NDUFA10: variants seen among roughly 807,000 people sequenced by gnomAD.
NDUFA10 encodes NADH dehydrogenase [ubiquinone] 1 alpha subcomplex subunit 10, mitochondrial.
In NDUFA10, 40 loss-of-function variants were observed where a neutral mutation model predicts 47.8. The ratio of observed to expected loss-of-function variants is 0.84; its 90% confidence interval spans 0.65 to 1.09. NDUFA10 has a LOEUF of 1.09. NDUFA10 is among the 50% of genes least tolerant of loss of function. The probability of loss-of-function intolerance (pLI) is 0.00; values close to 1 mark genes in which losing one functional copy is unlikely to be tolerated. For missense variants in NDUFA10, 413 were observed against 451.1 expected, an observed-to-expected ratio of 0.92 and a Z score of 0.76; for synonymous variants, 183 against 172.2, an observed-to-expected ratio of 1.06 and a Z score of -0.49.
chr2:239,930,278 C>A (rs1479361913), intron 4 of NDUFA10, among the ~76,000 whole-genome samples: 2 of 151,338 alleles, frequency 1.3e-5, no homozygotes, highest in Non-Finnish European at 2.9e-5. Context: ...TTCTCCACCA[C>A]CCCTGCTCCT....
intron 9 of NDUFA10, among the ~76,000 whole-genome samples, chr2:239,968,381 C>T (rs917983462): frequency 6.6e-6 from 1 of 152,204 alleles, no homozygotes; most frequent in Non-Finnish European, 1.5e-5. Flanking sequence ...TGGAAAAATG[C>T]CCCCTCCCGA....
In NDUFA10 at chr2:240,019,692, G is replaced by A. The variant is rs1353453785; in HGVS notation, c.461-1053C>T. On this transcript the variant is annotated intron_variant, in intron 3 of 9. Coordinates refer to ENST00000252711, the MANE Select transcript of NDUFA10 (RefSeq NM_004544.4). ...AAATTAGCCGGGCGTAGTGGCGGGCGCCTGTAGTCCCAGCTACTTGGGAGG... is the reference window on the plus strand; with the variant it reads ...AAATTAGCCGGGCGTAGTGGCGGGCACCTGTAGTCCCAGCTACTTGGGAGG... Among the ~76,000 whole-genome samples the A allele has an allele frequency of 1.8e-3, 148 of 82,682 alleles. 38 individuals are homozygous for A. The highest frequency in any genetic ancestry group is 7.0e-3 in the African/African-American group (148 of 21,270). The allele number at this position is 82,682 out of a possible 152,430, so 54.2% of individuals were successfully genotyped here.
At position 239,906,283 on chromosome 2, in the gene NDUFA10, G is replaced by A. The variant is rs946957676; in HGVS notation, c.295-10969C>T. Among the ~76,000 whole-genome samples, 12 of 152,156 alleles carry A rather than the reference G, an allele frequency of 7.9e-5. No homozygotes were observed. The highest frequency in any genetic ancestry group is 1.8e-4 in the Non-Finnish European group (12 of 68,026). On this transcript the variant is annotated intron_variant, in intron 4 of 5. Coordinates refer to the NDUFA10 transcript ENST00000419408. This position sits in a 1 kb window ranked among gnomAD's most constrained non-coding sequence, Gnocchi z 4.3. ...TAATCATCTACTGTTCAAGCTCTTA[G>A]CAAAACTGCGGCTTCAGTTGTGCCT...
chr2:239,968,871 G>A (rs558511878), intron 9 of NDUFA10, among the ~76,000 whole-genome samples: 60 of 152,200 alleles, frequency 3.9e-4, no homozygotes, highest in East Asian at 3.9e-4. Context: ...CTCGCTGCAC[G>A]CATGCAGCAT....
At chr2:239,981,987 T>TGGCCTCCAC in intron 9 of NDUFA10, 1 of 1,248,114 alleles carries the variant, frequency 8.0e-7, no homozygotes, top group Non-Finnish European at 1.1e-6. Flanking sequence ...AAGGCATCCA[T>TGGCCTCCAC]GGCCTCCACT....
intron 9 of NDUFA10, among the ~76,000 whole-genome samples, chr2:239,971,963 G>A (rs962858012): frequency 2.6e-5 from 4 of 152,242 alleles, no homozygotes; most frequent in Non-Finnish European, 5.9e-5. Flanking sequence ...TTGGGTGTCT[G>A]TTAGGTTATG....
At chr2:239,900,956 C>G (rs1462087057) in intron 4 of NDUFA10, among the ~76,000 whole-genome samples, 1 of 152,214 alleles carries the variant, frequency 6.6e-6, no homozygotes, top group Non-Finnish European at 1.5e-5. Context: ...GAAGATCTAG[C>G]TGAGATCATG....
In NDUFA10 at chr2:239,960,199, C is replaced by T. The variant is rs1375935265; in HGVS notation, c.*919G>A. ...TCCTAATGGACACAGTGGAGCTTTA[C>T]AGTGGAAAACCCACAGTTCAGTAGG... On this transcript the variant is annotated 3_prime_UTR_variant, in exon 10 of 10. Coordinates refer to ENST00000252711, the MANE Select transcript of NDUFA10 (RefSeq NM_004544.4). 1.0e-6 allele frequency: 1 copy of T among 982,938 alleles called. No homozygotes were observed. The highest frequency in any genetic ancestry group is 1.2e-6 in the Non-Finnish European group (1 of 829,844). The allele number at this position is 982,938 out of a possible 1,614,324, so 60.9% of individuals were successfully genotyped here. A position where few individuals can be genotyped will look rare whatever the true frequency, so the allele number is the denominator to read the frequency against.
chr2:239,942,354 C>T (rs1385120068), intron 4 of NDUFA10, among the ~76,000 whole-genome samples: 2 of 152,246 alleles, frequency 1.3e-5, no homozygotes. Context: ...CCTGCATTTC[C>T]GACAAGCTCC....
At chr2:239,983,496 A>C (rs369854620) in intron 9 of NDUFA10, 1 of 1,583,550 alleles carries the variant, frequency 6.3e-7, no homozygotes. Flanking sequence ...AAAATCCTCT[A>C]AACAGTCAGA....
chr2:239,953,669 T>C (rs979501719), downstream of NDUFA10, among the ~76,000 whole-genome samples: 5 of 151,776 alleles, frequency 3.3e-5, no homozygotes, highest in Admixed American at 6.6e-5. Context: ...TCCTGTGCCC[T>C]CTTAGGTGGG....
rs1021746730 is a variant in NDUFA10 at position 239,911,771 on chromosome 2, G to C, written c.295-16457C>G. On this transcript the variant is annotated intron_variant, in intron 4 of 5. Coordinates refer to the NDUFA10 transcript ENST00000419408. Reference sequence around the variant, plus strand: ...CAGCCCATCCCCCAGTCTCTCTCTTGTGCACACACACACCACACACCACCC... The same window carrying C: ...CAGCCCATCCCCCAGTCTCTCTCTTCTGCACACACACACCACACACCACCC... Among the ~76,000 whole-genome samples the C allele has an allele frequency of 7.4e-5, 11 of 148,722 alleles. No homozygotes were observed. In the East Asian group the frequency reaches 2.2e-3, roughly 29 times the overall value.
intron 9 of NDUFA10, among the ~76,000 whole-genome samples, chr2:239,967,535 A>G (rs1695127818): frequency 6.6e-6 from 1 of 152,238 alleles, no homozygotes; most frequent in African/African-American, 2.4e-5. Context: ...AAGTACAGGA[A>G]GGTAACAACA....
At chr2:239,930,866 AGGGGGGGCAGG>A (rs1694160320) in intron 4 of NDUFA10, among the ~76,000 whole-genome samples, 2 of 65,814 alleles carry the variant, frequency 3.0e-5, no homozygotes, top group Admixed American at 1.5e-4. Context: ...CATGCCCAGG[AGGGGGGGCAGG>A]GTCCAGGAGG....
At chr2:240,014,505 A>T (rs1183667915) in intron 5 of NDUFA10, 2 of 574,352 alleles carry the variant, frequency 3.5e-6, no homozygotes, top group Non-Finnish European at 6.2e-6. Context: ...CGGGGACCAC[A>T]GTGGGACCGC....
intron 4 of NDUFA10, among the ~76,000 whole-genome samples, chr2:240,015,076 T>C (rs1267117818): frequency 6.6e-6 from 1 of 152,274 alleles, no homozygotes; most frequent in African/African-American, 2.4e-5. Flanking sequence ...ACAGCAGCTG[T>C]GGTGCCCACA....
chr2:239,924,626 C>T (rs745416196), intron 4 of NDUFA10, among the ~76,000 whole-genome samples: 3 of 152,048 alleles, frequency 2.0e-5, no homozygotes, highest in African/African-American at 2.4e-5. Context: ...ATAAAAGACT[C>T]GGATCCTGAA....
intron 9 of NDUFA10, among the ~76,000 whole-genome samples, chr2:239,965,303 G>GC (rs751114199): frequency 4.6e-5 from 7 of 151,460 alleles, no homozygotes; most frequent in Non-Finnish European, 8.8e-5. Flanking sequence ...AGAGAACCAT[G>GC]CGGGGGGGGA....
At chr2:239,944,154 A>G (rs553001376) in intron 4 of NDUFA10, among the ~76,000 whole-genome samples, 7 of 152,174 alleles carry the variant, frequency 4.6e-5, no homozygotes, top group African/African-American at 1.7e-4. Flanking sequence ...GGCCCCTGAG[A>G]GGAGGCACAT....
Sources: allele counts gnomAD v4.1 joint callset (sites outside exome capture counted in the v4.1 genomes callset), GRCh38; gene constraint gnomAD v4.1.1; non-coding constraint Gnocchi (gnomAD v3.1); transcripts MANE v1.5; gene names NCBI Gene and HGNC (gene_info 2026-07-23, HGNC 2026-07-21).